Variants in DMD observed in about 807,000 individuals in gnomAD.
The protein encoded by DMD is mutant dystrophin.
A neutral mutation model predicts 330.1 loss-of-function variants in DMD; 63 were observed. That is an observed-to-expected ratio of 0.19 (90% confidence interval 0.16 to 0.24). The LOEUF is 0.24. DMD is among the 10% of genes least tolerant of loss of function. DMD has a pLI of 1.00. For synonymous variants in DMD, 1,223 were observed against 959.8 expected, an observed-to-expected ratio of 1.27 and a Z score of -5.07; for missense variants, 3,344 against 2,684.1, an observed-to-expected ratio of 1.25 and a Z score of -5.43.
chrX:32,614,178 T>C, intron 12 of DMD, 125 bp downstream of exon 12: 1 of 739,537 alleles, frequency 1.4e-6, no homozygotes, highest in South Asian at 2.9e-5. Flanking sequence ...AAATAATTTT[T>C]AAAATATGGC....
At chrX:31,598,361 C>T (rs1034160996) in intron 55 of DMD, among the ~76,000 whole-genome samples, 8 of 111,297 alleles carry the variant, frequency 7.2e-5, no homozygotes, top group Non-Finnish European at 1.1e-4. Flanking sequence ...TGGGCTCAAG[C>T]GATTCTCCTG....
intron 56 of DMD, among the ~76,000 whole-genome samples, chrX:31,505,631 T>C (rs893209117): frequency 2.7e-5 from 3 of 110,822 alleles, no homozygotes; most frequent in Non-Finnish European, 5.7e-5. Context: ...CTTTTTCTTT[T>C]ACTTTTTTCT....
intron 17 of DMD, among the ~76,000 whole-genome samples, chrX:32,543,866 G>C (rs564740214): frequency 8.9e-6 from 1 of 111,896 alleles, no homozygotes; most frequent in East Asian, 2.8e-4. Flanking sequence ...TATACAGTTT[G>C]TGTTACAACT....
chrX:33,224,797 CAG>C (rs746063569), intron 1 of DMD, among the ~76,000 whole-genome samples: 2 of 111,314 alleles, frequency 1.8e-5, no homozygotes, highest in African/African-American at 3.3e-5. Flanking sequence ...TTAATAATGA[CAG>C]AGGCCATGCT....
At chrX:31,616,469 T>C (rs2078208129) in intron 55 of DMD, among the ~76,000 whole-genome samples, 1 of 111,255 alleles carries the variant, frequency 9.0e-6, no homozygotes, top group Non-Finnish European at 1.9e-5. Context: ...TCAGGGGCAA[T>C]TGTGGAGAGC....
intron 44 of DMD, among the ~76,000 whole-genome samples, chrX:32,174,738 T>C (rs187372265): frequency 2.1e-4 from 23 of 109,202 alleles, no homozygotes; most frequent in African/African-American, 5.6e-4. Flanking sequence ...AAATTACTTT[T>C]TTCCCCTTCT....
intron 1 of DMD, among the ~76,000 whole-genome samples, chrX:33,080,004 T>C (rs1448623594): frequency 1.8e-5 from 2 of 112,528 alleles, no homozygotes; most frequent in Non-Finnish European, 3.7e-5. Context: ...AAATTTCATG[T>C]TCGCATTAGT....
At chrX:33,130,797 T>C (rs938736634) in intron 1 of DMD, among the ~76,000 whole-genome samples, 12 of 111,178 alleles carry the variant, frequency 1.1e-4, no homozygotes, top group Non-Finnish European at 2.1e-4. Context: ...GTGATCCGCC[T>C]GCCTCGGCCT....
At chrX:32,102,451 A>G (rs1372909153) in intron 44 of DMD, among the ~76,000 whole-genome samples, 1 of 111,489 alleles carries the variant, frequency 9.0e-6, no homozygotes, top group Non-Finnish European at 1.9e-5. Flanking sequence ...AATTTTAATG[A>G]CTTTACTTAA....
At chrX:33,207,153 G>T (rs1018163225) in intron 1 of DMD, among the ~76,000 whole-genome samples, 3 of 111,421 alleles carry the variant, frequency 2.7e-5, no homozygotes, top group Non-Finnish European at 5.7e-5. Context: ...TTGTGCTTAA[G>T]AAAATTTATA....
intron 2 of DMD, among the ~76,000 whole-genome samples, chrX:32,859,242 T>C (rs1254385268): frequency 9.0e-6 from 1 of 110,642 alleles, no homozygotes. Context: ...CTGAGGCAGG[T>C]GGCTCACTTA....
Position 32,897,799 on chromosome X carries a change from G to C in DMD, c.94-47979C>G, listed in dbSNP as rs895426609. On this transcript the variant is annotated intron_variant, in intron 2 of 78. Transcript: ENST00000357033. The stretch of plus-strand genomic sequence containing the variant: ...TAAGAAGCCTTAGTTCAATGGATTA[G>C]TAGACAACCATTTTTTTAATTAGTC... Among the ~76,000 whole-genome samples, 5 of 111,790 alleles carry C rather than the reference G, an allele frequency of 4.5e-5. No individual in the cohort carries two copies. In the Admixed American group the frequency reaches 4.8e-4, roughly 11 times the overall value.
At chrX:31,710,681 C>T (rs2084559964) in intron 52 of DMD, among the ~76,000 whole-genome samples, 2 of 111,382 alleles carry the variant, frequency 1.8e-5, no homozygotes, top group South Asian at 3.7e-4. Flanking sequence ...ATTATTTCTT[C>T]TTTCAAATGG....
At chrX:31,678,329 T>G (rs2148726504) in intron 53 of DMD, among the ~76,000 whole-genome samples, 1 of 111,134 alleles carries the variant, frequency 9.0e-6, no homozygotes, top group East Asian at 2.8e-4. Flanking sequence ...CTATAGAGGG[T>G]TTTGATCAAG....
chrX:33,179,089 G>A (rs955618715), intron 1 of DMD, among the ~76,000 whole-genome samples: 22 of 112,000 alleles, frequency 2.0e-4, no homozygotes, highest in African/African-American at 6.8e-4. Context: ...AATTGTAACA[G>A]AGTAAGAAAA....
At chrX:33,302,635 C>G (rs1037160175) in intron 1 of DMD, among the ~76,000 whole-genome samples, 1 of 110,826 alleles carries the variant, frequency 9.0e-6, no homozygotes, top group Non-Finnish European at 1.9e-5. Context: ...GTAGTATTAG[C>G]GTCACAGCAA....
In DMD at chrX:32,470,294, A is replaced by T. The variant is rs771674970; in HGVS notation, c.2950-1584T>A. On this transcript the variant is annotated intron_variant, in intron 22 of 78. Transcript: ENST00000357033. ...TAAAATTGTCTCTGGTGTTTTTACA[A>T]TGTTTGTGATTGTTTCCATCGATTT... is the stretch of plus-strand genomic sequence containing the variant. Among the ~76,000 whole-genome samples, 4 of 111,110 alleles carry T rather than the reference A, an allele frequency of 3.6e-5. No homozygotes were observed. In the East Asian group the frequency reaches 1.1e-3, roughly 31 times the overall value.
intron 7 of DMD, among the ~76,000 whole-genome samples, chrX:32,805,973 A>T (rs1262412084): frequency 8.9e-6 from 1 of 112,274 alleles, no homozygotes; most frequent in Admixed American, 9.5e-5. Context: ...CAGCCACTGC[A>T]GAAGCATACC....
rs73462078 is a variant in DMD, at chrX:32,340,212, T to C, written c.5922+1888A>G. On this transcript the variant is annotated intron_variant, in intron 41 of 78. Transcript: ENST00000357033. ...AATACGATGCCAAATATAACTGCAA[T>C]ATTAAATTGATTATTCTTCATACAG... 3.1e-3 allele frequency among the ~76,000 whole-genome samples: 344 copies of C among 111,849 alleles called. 2 individuals are homozygous for C. The highest frequency in any genetic ancestry group is 0.011 in the African/African-American group (328 of 30,872).
Sources: allele counts gnomAD v4.1 joint callset (sites outside exome capture counted in the v4.1 genomes callset), GRCh38; gene constraint gnomAD v4.1.1; transcripts MANE v1.5; gene names NCBI Gene and HGNC (gene_info 2026-07-23, HGNC 2026-07-21).